TRIM36: variants seen among roughly 807,000 people sequenced by gnomAD.
TRIM36 encodes E3 ubiquitin-protein ligase TRIM36.
A neutral mutation model predicts 72.4 loss-of-function variants in TRIM36; 42 were observed. The observed-to-expected ratio is 0.58, with a 90% CI of 0.45 to 0.75. The LOEUF is 0.75. TRIM36 is among the 30% of genes least tolerant of loss of function. The probability of loss-of-function intolerance (pLI) is 0.00; values close to 1 mark genes in which losing one functional copy is unlikely to be tolerated. For missense variants in TRIM36, 913 were observed against 857.1 expected, an observed-to-expected ratio of 1.07 and a Z score of -0.81; for synonymous variants, 315 against 282.8, an observed-to-expected ratio of 1.11 and a Z score of -1.14.
chr5:115,143,456 T>C (rs1159219553), intron 4 of TRIM36, among the ~76,000 whole-genome samples: 2 of 151,394 alleles, frequency 1.3e-5, no homozygotes, highest in African/African-American at 2.4e-5. Flanking sequence ...CAATCAAAAA[T>C]TACCAGGCAT....
intron 1 of TRIM36, among the ~76,000 whole-genome samples, chr5:115,175,694 A>G (rs374217582): frequency 9.7e-4 from 148 of 151,800 alleles, no homozygotes; most frequent in African/African-American, 3.5e-3. Context: ...AAAAAAAATA[A>G]GAGGAAAATT....
intron 2 of TRIM36, chr5:115,148,815 C>T (rs2112849916): frequency 6.6e-6 from 1 of 152,258 alleles, no homozygotes; most frequent in African/African-American, 2.4e-5. Context: ...ATCATGTATC[C>T]AATACCAAAA....
intron 1 of TRIM36, among the ~76,000 whole-genome samples, chr5:115,178,294 C>A (rs1422508755): frequency 6.6e-6 from 1 of 152,146 alleles, no homozygotes; most frequent in African/African-American, 2.4e-5. Flanking sequence ...AAGAGTAGTC[C>A]ATTTATTTTG....
intron 5 of TRIM36, among the ~76,000 whole-genome samples, chr5:115,140,445 A>AT: frequency 6.6e-6 from 1 of 152,340 alleles, no homozygotes; most frequent in East Asian, 1.9e-4. Context: ...AAATGGAAAA[A>AT]TGTACATGTA....
chr5:115,165,386 C>G (rs186928567), intron 1 of TRIM36, among the ~76,000 whole-genome samples: 41 of 152,348 alleles, frequency 2.7e-4, no homozygotes, highest in Middle Eastern at 3.4e-3. Flanking sequence ...CCAGGTGTTT[C>G]TGTACATCCT....
chr5:115,174,748 G>T (rs1291920083), upstream of TRIM36, among the ~76,000 whole-genome samples: 1 of 152,058 alleles, frequency 6.6e-6, no homozygotes, highest in African/African-American at 2.4e-5. Context: ...CCTAGTCTTT[G>T]TACACTGATG....
chr5:115,130,395 A>C (rs1490062310), intron 9 of TRIM36, among the ~76,000 whole-genome samples, 197 bp downstream of exon 9: 1 of 152,232 alleles, frequency 6.6e-6, no homozygotes, highest in Non-Finnish European at 1.5e-5. Context: ...TCCTCATGAT[A>C]TTAAAAAGTA....
chr5:115,142,522 T>C (rs1358766646), intron 4 of TRIM36, among the ~76,000 whole-genome samples: 1 of 152,204 alleles, frequency 6.6e-6, no homozygotes, highest in Admixed American at 6.5e-5. Context: ...GAAGAATAGA[T>C]GGCAGAATTC....
At chr5:115,179,557 G>T (rs1331606621) in intron 1 of TRIM36, among the ~76,000 whole-genome samples, 1 of 152,232 alleles carries the variant, frequency 6.6e-6, no homozygotes, top group Non-Finnish European at 1.5e-5. Context: ...CTCGCTGGGC[G>T]GACCCTCCCT....
intron 2 of TRIM36, among the ~76,000 whole-genome samples, chr5:115,152,543 A>G (rs962926637): frequency 5.3e-5 from 8 of 152,208 alleles, no homozygotes; most frequent in Non-Finnish European, 1.0e-4. Context: ...TTCATCGCAA[A>G]AAGATCACTG....
intron 2 of TRIM36, among the ~76,000 whole-genome samples, chr5:115,155,255 G>A (rs561465443): frequency 2.0e-5 from 3 of 152,232 alleles, no homozygotes; most frequent in Middle Eastern, 6.8e-3. Flanking sequence ...GGCTGAGACA[G>A]GAGAATCGCT....
rs58384978 is a variant in TRIM36, at chr5:115,128,758, CAAAAAAAAAA to C, written c.1796+1824_1796+1833del. 1.3e-3 allele frequency among the ~76,000 whole-genome samples: 61 copies of C among 47,010 alleles called. 2 individuals carry two copies. The South Asian group carries it at 0.015, about 12-fold the overall frequency. The allele number at this position is 47,010 out of a possible 152,430, so 30.8% of individuals were successfully genotyped here. A position where few individuals can be genotyped will look rare whatever the true frequency, so the allele number is the denominator to read the frequency against. On this transcript the variant is annotated intron_variant, in intron 9 of 9. Coordinates refer to ENST00000513154, the MANE Select transcript of TRIM36 (RefSeq NM_001300759.2). ...TGGGCGACAGAGCGAGACTCCGTCT[CAAAAAAAAAA>C]AAAAAAAAAAAAAAAAAAAATTGAA...
At chr5:115,167,461 A>C (rs2126941325) in intron 1 of TRIM36, among the ~76,000 whole-genome samples, 1 of 152,254 alleles carries the variant, frequency 6.6e-6, no homozygotes, top group Non-Finnish European at 1.5e-5. Flanking sequence ...AATTTTCCAA[A>C]CTTTTACGCT....
chr5:115,156,490 T>C (rs1474372180), intron 2 of TRIM36, among the ~76,000 whole-genome samples: 1 of 152,140 alleles, frequency 6.6e-6, no homozygotes, highest in East Asian at 1.9e-4. Context: ...TGGAACAGAA[T>C]AGAGAACCCA....
At chr5:115,161,482 G>T (rs1198815313) in intron 2 of TRIM36, among the ~76,000 whole-genome samples, 1 of 152,124 alleles carries the variant, frequency 6.6e-6, no homozygotes, top group East Asian at 1.9e-4. Flanking sequence ...TGCTGCATGG[G>T]TCACAGCCAA....
intron 2 of TRIM36, among the ~76,000 whole-genome samples, chr5:115,155,204 C>T (rs1754109053): frequency 6.6e-6 from 1 of 151,252 alleles, no homozygotes; most frequent in African/African-American, 2.4e-5. Flanking sequence ...AATAATTAGC[C>T]AGGTGTGGTG....
chr5:115,152,992 C>T (rs1184867029), intron 2 of TRIM36, among the ~76,000 whole-genome samples: 1 of 152,088 alleles, frequency 6.6e-6, no homozygotes, highest in Non-Finnish European at 1.5e-5. Flanking sequence ...ACAAGGTACA[C>T]AGGCAAAAAA....
At chr5:115,176,524 T>C (rs1177487015) in intron 1 of TRIM36, among the ~76,000 whole-genome samples, 1 of 152,144 alleles carries the variant, frequency 6.6e-6, no homozygotes, top group African/African-American at 2.4e-5. Flanking sequence ...TGCTCTTAGA[T>C]GTGCCTGAAC....
intron 1 of TRIM36, among the ~76,000 whole-genome samples, chr5:115,175,790 T>C (rs758404995): frequency 1.3e-5 from 2 of 152,228 alleles, no homozygotes; most frequent in South Asian, 2.1e-4. Context: ...AGCACATACA[T>C]TTCACCCAAT....
Sources: gnomAD v4.1 joint callset for allele counts (sites outside exome capture counted in the v4.1 genomes callset) on GRCh38, gnomAD v4.1.1 for gene constraint, MANE v1.5 for transcripts, NCBI Gene and HGNC (gene_info 2026-07-23, HGNC 2026-07-21) for gene names.